SLC12A1: variants seen among roughly 807,000 people sequenced by gnomAD.
SLC12A1 encodes the protein solute carrier family 12 member 1.
Under a neutral mutation model 130.4 loss-of-function variants are expected in SLC12A1, and 89 were observed. The observed-to-expected ratio is 0.68, with a 90% CI of 0.58 to 0.81. The LOEUF (loss-of-function observed/expected upper bound fraction) is 0.81. Ranked by LOEUF, SLC12A1 falls within the 40% of genes least tolerant of loss-of-function variation. The probability of loss-of-function intolerance (pLI) is 0.00; values close to 1 mark genes in which losing one functional copy is unlikely to be tolerated. For missense variants in SLC12A1, 1,310 were observed against 1,336.4 expected, an observed-to-expected ratio of 0.98 and a Z score of 0.31; for synonymous variants, 499 against 460.0, an observed-to-expected ratio of 1.08 and a Z score of -1.09.
chr15:48,240,491 A>C (rs895949582), intron 9 of SLC12A1, among the ~76,000 whole-genome samples: 13 of 152,164 alleles, frequency 8.5e-5, no homozygotes, highest in African/African-American at 3.1e-4. Context: ...TGCTTGATTC[A>C]GTTGTGACTT....
At chr15:48,215,171 T>C (rs2041105053) in intron 2 of SLC12A1, among the ~76,000 whole-genome samples, 1 of 152,110 alleles carries the variant, frequency 6.6e-6, no homozygotes, top group Non-Finnish European at 1.5e-5. Flanking sequence ...TATAAAGGTA[T>C]CTGATATGTT....
intron 20 of SLC12A1, among the ~76,000 whole-genome samples, chr15:48,279,716 T>C (rs1480610821): frequency 6.6e-6 from 1 of 152,156 alleles, no homozygotes; most frequent in Non-Finnish European, 1.5e-5. Context: ...TGGTAAGAAA[T>C]AAAGTGATGG....
rs2042256669 is a variant in SLC12A1, at chr15:48,303,426, C to G, written c.*541C>G. 6.6e-6 allele frequency: 1 copy of G among 152,088 alleles called. No individual in the cohort carries two copies. Among genetic ancestry groups the G allele is most frequent in the Non-Finnish European group, 1.5e-5 (1 of 68,026 alleles). 9.4% of individuals were successfully genotyped at this position (152,088 alleles called of 1,614,324 possible). A position where few individuals can be genotyped will look rare whatever the true frequency, so the allele number is the denominator to read the frequency against. Reference sequence around the variant, plus strand: ...AAAGCAGATTTAAAAATCAGTAACTCAAAACTTTAAGAAGTAGTTGAGTCT... The same window carrying G: ...AAAGCAGATTTAAAAATCAGTAACTGAAAACTTTAAGAAGTAGTTGAGTCT... On this transcript the variant is annotated 3_prime_UTR_variant, in exon 27 of 27. Transcript: ENST00000380993.
intron 19 of SLC12A1, among the ~76,000 whole-genome samples, chr15:48,270,298 A>G (rs2041879174): frequency 1.3e-5 from 2 of 152,152 alleles, no homozygotes; most frequent in Non-Finnish European, 2.9e-5. Context: ...TAAATATTTG[A>G]GGAGACTTAG....
intron 18 of SLC12A1, among the ~76,000 whole-genome samples, chr15:48,268,906 C>T (rs768206364): frequency 7.2e-5 from 11 of 151,934 alleles, no homozygotes; most frequent in Non-Finnish European, 1.5e-4. Flanking sequence ...AGAAAAGACA[C>T]AAGTATGAAA....
rs2041624422 is a variant in SLC12A1 at position 48,249,592 on chromosome 15, G to A, written c.1702G>A (p.Ala568Thr). Reference protein sequence around the residue: ...FILIAELNTIAPIISNFFLAS... With the variant: ...FILIAELNTITPIISNFFLAS... ...TTTTACAGCGGAACTGAACACCATT[G>A]CTCCCATCATCTCCAACTTTTTCCT... is the stretch of plus-strand genomic sequence containing the variant. Residue 568 changes from alanine to threonine, a missense_variant, in exon 14 of 27, where the codon GCT becomes ACT. Ala to Thr is a moderately conservative substitution (Grantham distance 58, BLOSUM62 0). Coordinates refer to ENST00000380993, the MANE Select transcript of SLC12A1 (RefSeq NM_000338.3). 1 of 1,613,544 alleles carries A rather than the reference G, an allele frequency of 6.2e-7. No individual in the cohort carries two copies. Among genetic ancestry groups the A allele is most frequent in the Admixed American group, 1.7e-5 (1 of 60,000 alleles).
intron 10 of SLC12A1, 96 bp from the exon 11 acceptor site, chr15:48,244,657 G>A (rs2041556841): frequency 8.2e-7 from 1 of 1,217,018 alleles, no homozygotes; most frequent in Non-Finnish European, 1.2e-6. Context: ...CTAAGAAATG[G>A]ACCTTTTCAG....
chr15:48,222,594 T>C (rs1369843795), intron 4 of SLC12A1: 1 of 152,168 alleles, frequency 6.6e-6, no homozygotes, highest in Non-Finnish European at 1.5e-5. Context: ...GTGTTTTTCT[T>C]TTCGTTTCTT....
chr15:48,246,410 G>C (rs2041580550), intron 11 of SLC12A1, among the ~76,000 whole-genome samples: 1 of 152,082 alleles, frequency 6.6e-6, no homozygotes, highest in African/African-American at 2.4e-5. Flanking sequence ...AATATCTTCT[G>C]GATATATTGC....
At chr15:48,244,077 A>T (rs1347879255) in intron 10 of SLC12A1, among the ~76,000 whole-genome samples, 1 of 152,188 alleles carries the variant, frequency 6.6e-6, no homozygotes, top group Non-Finnish European at 1.5e-5. Flanking sequence ...ATGCACAAAG[A>T]CGTTCATCAT....
At chr15:48,289,448 C>T (rs927423707) in intron 23 of SLC12A1, among the ~76,000 whole-genome samples, 1 of 130,824 alleles carries the variant, frequency 7.6e-6, no homozygotes, top group Non-Finnish European at 1.6e-5. Flanking sequence ...CTATGTATAA[C>T]TGTATAATGT....
rs892463801 is a variant in SLC12A1 at position 48,301,341 on chromosome 15, A to T, written c.3123A>T (p.Glu1041Asp). ...GTTACCGCCAAGTTCGACTGAATGAACTCTTACAGGAGCACTCCAGAGCTG... is the reference window on the plus strand; with the variant it reads ...GTTACCGCCAAGTTCGACTGAATGATCTCTTACAGGAGCACTCCAGAGCTG... ...EKSYRQVRLN[E>D]LLQEHSRAAN... The change falls in exon 26 of 27, where the codon GAA (glutamate) becomes GAT (aspartate). Residue 1041 changes from glutamate to aspartate, a missense_variant. Physicochemically the swap from Glu to Asp is conservative, Grantham distance 45 (BLOSUM62 2). Transcript: ENST00000380993. 2 of 1,601,238 alleles carry T rather than the reference A, an allele frequency of 1.2e-6. No homozygotes were observed. The highest frequency in any genetic ancestry group is 1.7e-6 in the Non-Finnish European group (2 of 1,173,556).
chr15:48,245,190 T>C (rs550619468), intron 11 of SLC12A1, among the ~76,000 whole-genome samples: 1 of 152,350 alleles, frequency 6.6e-6, no homozygotes, highest in South Asian at 2.1e-4. Flanking sequence ...CAAGATTTCA[T>C]GGTGGAAAGG....
At chr15:48,265,470 T>A (rs1597440162) in intron 17 of SLC12A1, among the ~76,000 whole-genome samples, 1 of 152,188 alleles carries the variant, frequency 6.6e-6, no homozygotes, top group South Asian at 2.1e-4. Context: ...GAATAAAATA[T>A]TCTTTCTTTT....
chr15:48,223,608 T>A (rs2041243986), intron 4 of SLC12A1: 1 of 152,022 alleles, frequency 6.6e-6, no homozygotes, highest in Non-Finnish European at 1.5e-5. Context: ...TTGGAGTAGG[T>A]TTAGTGTTAT....
chr15:48,267,540 A>C, intron 17 of SLC12A1, 21 bp from the exon 18 acceptor site: 1 of 1,612,890 alleles, frequency 6.2e-7, no homozygotes, highest in Admixed American at 1.7e-5. Context: ...GTTCTAACCA[A>C]TATTTCATTG....
chr15:48,257,550 T>C (rs2041721981), intron 16 of SLC12A1, among the ~76,000 whole-genome samples: 1 of 152,188 alleles, frequency 6.6e-6, no homozygotes, highest in African/African-American at 2.4e-5. Context: ...AATTCTAGTC[T>C]TCTATGCACC....
At position 48,232,805 on chromosome 15, in the gene SLC12A1, G is replaced by A. The variant is rs2041397148; in HGVS notation, c.1054G>A (p.Glu352Lys). 1 of 1,611,674 alleles carries A rather than the reference G, an allele frequency of 6.2e-7. No homozygotes were observed. Among genetic ancestry groups the A allele is most frequent in the Admixed American group, 1.7e-5 (1 of 59,898 alleles). Residue 352 changes from glutamate (E) to lysine (K), a missense_variant, in exon 8 of 27, where the codon GAG becomes AAG. Glu to Lys is a moderately conservative substitution (Grantham distance 56). Coordinates refer to ENST00000380993, the MANE Select transcript of SLC12A1 (RefSeq NM_000338.3). ...TGGAACTGTCATTCCATCCAACAAT[G>A]AGAAAAAGTCCAGAGGTTTCTTTAA... is the stretch of plus-strand genomic sequence containing the variant. ...FIGTVIPSNN[E>K]KKSRGFFNYQ...
chr15:48,258,659 A>AT (rs2041736650), intron 16 of SLC12A1, among the ~76,000 whole-genome samples: 1 of 152,054 alleles, frequency 6.6e-6, no homozygotes, highest in Non-Finnish European at 1.5e-5. Flanking sequence ...TCACTTTCAC[A>AT]TTTTTGGGTA....
Sources: gnomAD v4.1 joint callset for allele counts (sites outside exome capture counted in the v4.1 genomes callset) on GRCh38, gnomAD v4.1.1 for gene constraint, MANE v1.5 for transcripts, NCBI Gene and HGNC (gene_info 2026-07-23, HGNC 2026-07-21) for gene names.